Variants in CFAP299 observed in about 807,000 individuals in gnomAD.
CFAP299 encodes the protein cilia and flagella associated protein 299, also known as cilia- and flagella-associated protein 299.
Under a neutral mutation model 27.0 loss-of-function variants are expected in CFAP299, and 21 were observed. The observed-to-expected ratio is 0.78, with a 90% CI of 0.55 to 1.12. The LOEUF is 1.12. Among genes scored for constraint, CFAP299 ranks in the 50% most tolerant of loss-of-function variants. The pLI is 0.00. For synonymous variants in CFAP299, 104 were observed against 98.1 expected (o/e 1.06, Z -0.36); for missense variants, 310 against 276.6 (o/e 1.12, Z -0.86).
intron 2 of CFAP299, among the ~76,000 whole-genome samples, chr4:80,495,931 T>C (rs897320044): frequency 9.9e-5 from 15 of 152,186 alleles, no homozygotes; most frequent in African/African-American, 3.6e-4. Flanking sequence ...TGGGACAGTG[T>C]CCCAAAGATG....
chr4:80,812,100 A>G (rs1435274688), intron 3 of CFAP299, among the ~76,000 whole-genome samples: 2 of 152,138 alleles, frequency 1.3e-5, no homozygotes, highest in East Asian at 3.8e-4. Flanking sequence ...ATATATTAGT[A>G]TTCATATATT....
At chr4:80,862,424 C>T (rs1178357170) in intron 3 of CFAP299, among the ~76,000 whole-genome samples, 9 of 152,030 alleles carry the variant, frequency 5.9e-5, no homozygotes, top group South Asian at 4.2e-4. Context: ...AATATAGATA[C>T]GTCTTATAAA....
chr4:80,917,432 T>C (rs768805751), intron 4 of CFAP299, among the ~76,000 whole-genome samples: 3 of 152,162 alleles, frequency 2.0e-5, no homozygotes, highest in Non-Finnish European at 2.9e-5. Context: ...TTTGAATGCC[T>C]TTTGGTTTCT....
chr4:80,447,119 G>GTTTTTTTTTTTTTTGT (rs71641487), intron 2 of CFAP299, among the ~76,000 whole-genome samples: 3 of 65,508 alleles, frequency 4.6e-5, no homozygotes, highest in Admixed American at 3.9e-4. Flanking sequence ...CTTTTTATTT[G>GTTTTTTTTTTTTTTGT]TTTTTTTTTT....
chr4:80,321,582 A>G, the CFAP299 span, among the ~76,000 whole-genome samples: 3 of 152,112 alleles, frequency 2.0e-5, no homozygotes, highest in Admixed American at 6.5e-5. Context: ...ACCCTGCAGT[A>G]CCTGAGCCAG....
intron 2 of CFAP299, among the ~76,000 whole-genome samples, chr4:80,450,265 TCC>T (rs771294280): frequency 1.3e-5 from 2 of 152,200 alleles, no homozygotes; most frequent in Non-Finnish European, 2.9e-5. Context: ...TGAAAAGTTC[TCC>T]CTTTCAAAAA....
At chr4:80,927,647 G>T (rs1172173829) in intron 4 of CFAP299, among the ~76,000 whole-genome samples, 1 of 152,016 alleles carries the variant, frequency 6.6e-6, no homozygotes, top group African/African-American at 2.4e-5. Flanking sequence ...TAGATTCTTG[G>T]CAAAATCTAG....
chr4:80,396,968 C>T (rs1206795126), intron 2 of CFAP299, among the ~76,000 whole-genome samples: 1 of 152,058 alleles, frequency 6.6e-6, no homozygotes, highest in Non-Finnish European at 1.5e-5. Context: ...CCAGCTCCTC[C>T]TTGTACCTCT....
At chr4:80,821,308 T>C (rs1729691854) in intron 3 of CFAP299, among the ~76,000 whole-genome samples, 1 of 152,196 alleles carries the variant, frequency 6.6e-6, no homozygotes, top group Non-Finnish European at 1.5e-5. Context: ...AAACGTTAAG[T>C]TGAAGAGAAA....
At chr4:80,899,884 A>T (rs115429438) in intron 4 of CFAP299, among the ~76,000 whole-genome samples, 1 of 152,220 alleles carries the variant, frequency 6.6e-6, no homozygotes, top group Non-Finnish European at 1.5e-5. Context: ...GAGCTCATAA[A>T]TGCAAATTCA....
chr4:80,944,951 T>C lies in CFAP299; in HGVS notation c.606+12T>C, dbSNP rs369510444. On this transcript the variant is annotated intron_variant, in intron 5 of 5. Coordinates refer to ENST00000358105, the MANE Select transcript of CFAP299 (RefSeq NM_152770.3). ...ATGTGGACCCAAAGGTAATTCTTCT[T>C]TTACACTTAGTTAGTTACCTCTTCA... 32 of 1,607,648 alleles carry C rather than the reference T, an allele frequency of 2.0e-5. No homozygotes were observed. The highest frequency in any genetic ancestry group is 2.6e-5 in the Non-Finnish European group (30 of 1,176,302).
intron 3 of CFAP299, among the ~76,000 whole-genome samples, chr4:80,739,756 T>TA (rs200339672): frequency 9.0e-4 from 136 of 151,366 alleles, no homozygotes; most frequent in African/African-American, 3.1e-3. Flanking sequence ...TGTTATCCTT[T>TA]AAAAAAAAAC....
intron 3 of CFAP299, among the ~76,000 whole-genome samples, chr4:80,749,655 A>C (rs1053607243): frequency 2.6e-5 from 4 of 152,216 alleles, no homozygotes; most frequent in Admixed American, 2.6e-4. Context: ...AGAGTCCAAA[A>C]GCCGAAGAAC....
intron 3 of CFAP299, among the ~76,000 whole-genome samples, chr4:80,712,953 C>T (rs1173967840): frequency 6.6e-6 from 1 of 152,050 alleles, no homozygotes; most frequent in African/African-American, 2.4e-5. Context: ...AAGGGCTATC[C>T]TTTCATTCAT....
chr4:80,369,905 T>A (rs1402887406), intron 2 of CFAP299, among the ~76,000 whole-genome samples: 1 of 152,222 alleles, frequency 6.6e-6, no homozygotes, highest in African/African-American at 2.4e-5. Context: ...GACCCCATGT[T>A]CATGAACACT....
intron 2 of CFAP299, among the ~76,000 whole-genome samples, chr4:80,541,500 C>T (rs1733994576): frequency 1.3e-5 from 2 of 152,264 alleles, no homozygotes; most frequent in East Asian, 3.9e-4. Context: ...GTGTATATCA[C>T]AGATTTTACC....
chr4:80,632,940 C>T (rs934343481), intron 3 of CFAP299, among the ~76,000 whole-genome samples: 5 of 152,002 alleles, frequency 3.3e-5, no homozygotes, highest in Non-Finnish European at 7.4e-5. Flanking sequence ...CCTGAAAATG[C>T]ATAATATAAT....
chr4:80,533,860 A>T (rs948537293), intron 2 of CFAP299, among the ~76,000 whole-genome samples: 2 of 144,902 alleles, frequency 1.4e-5, no homozygotes, highest in African/African-American at 2.8e-5. Flanking sequence ...GTAGTGTTGT[A>T]AAAAAAACTG....
intron 2 of CFAP299, among the ~76,000 whole-genome samples, chr4:80,504,284 A>T (rs900050131): frequency 6.6e-6 from 1 of 151,534 alleles, no homozygotes; most frequent in Non-Finnish European, 1.5e-5. Context: ...AAAGGCTGAG[A>T]GGTGCTTGCT....
Sources: gnomAD v4.1 joint callset for allele counts (sites outside exome capture counted in the v4.1 genomes callset) on GRCh38, gnomAD v4.1.1 for gene constraint, MANE v1.5 for transcripts, NCBI Gene and HGNC (gene_info 2026-07-23, HGNC 2026-07-21) for gene names.